KIAA0586: variants seen among roughly 807,000 people sequenced by gnomAD.
The protein encoded by KIAA0586 is protein TALPID3.
In KIAA0586, 144 loss-of-function variants were observed where a neutral mutation model predicts 169.8. That is an observed-to-expected ratio of 0.85 (90% CI 0.74 to 0.97). The LOEUF (loss-of-function observed/expected upper bound fraction) is 0.97, where lower values mean the gene tolerates loss of function less well. Ranked by LOEUF, KIAA0586 falls within the 50% of genes least tolerant of loss-of-function variation. The pLI is 0.00. For synonymous variants in KIAA0586, 625 were observed against 612.4 expected (o/e 1.02, Z -0.30); for missense variants, 1,854 against 1,823.0 (o/e 1.02, Z -0.31).
chr14:58,461,192 A>C, intron 14 of KIAA0586, 32 bp downstream of exon 14: 5 of 1,419,112 alleles, frequency 3.5e-6, no homozygotes, highest in Middle Eastern at 1.8e-4. Flanking sequence ...GTTTAATCTC[A>C]TTTCTTAATA....
At chr14:58,440,303 TC>T in intron 4 of KIAA0586, 3 of 365,598 alleles carry the variant, frequency 8.2e-6, no homozygotes, top group Non-Finnish European at 1.6e-5. Context: ...TCTCTCTCTC[TC>T]TTCCTCCCTC....
intron 29 of KIAA0586, among the ~76,000 whole-genome samples, chr14:58,535,355 C>T (rs888017544): frequency 4.0e-5 from 6 of 149,316 alleles, no homozygotes; most frequent in African/African-American, 1.5e-4. Context: ...ATTCTTGCCC[C>T]TAAAAGGCAG....
Position 58,487,936 on chromosome 14 carries a change from TA to T in KIAA0586, c.3355del (p.Thr1119LeufsTer23). On this transcript the variant is annotated frameshift_variant, in exon 23 of 31. Transcript: ENST00000652326. LOFTEE classifies it high-confidence loss of function. ...TTGTTAATACTCCAACAGTTACCCC[TA>T]CTACTACACCTCCTCCAGCGGCGGC... Reference protein sequence around the residue: ...MLVNTPTVTPTTTPPPAAAVF... With the variant: ...MLVNTPTVTPXTTPPPAAAVF... 1 of 1,613,648 alleles carries T rather than the reference TA, an allele frequency of 6.2e-7. No homozygotes were observed. The highest frequency in any genetic ancestry group is 1.1e-5 in the South Asian group (1 of 91,046).
At chr14:58,529,288 T>C (rs965455272) in intron 29 of KIAA0586, among the ~76,000 whole-genome samples, 1 of 152,134 alleles carries the variant, frequency 6.6e-6, no homozygotes, top group African/African-American at 2.4e-5. Flanking sequence ...AAAGAGGAGC[T>C]GCTGCTATTC....
At chr14:58,527,939 G>A (rs148057629) in intron 29 of KIAA0586, among the ~76,000 whole-genome samples, 5 of 152,216 alleles carry the variant, frequency 3.3e-5, no homozygotes, top group South Asian at 2.1e-4. Context: ...AAGACCCATC[G>A]GTGTGCTGTA....
chr14:58,506,223 A>G (rs2043929956), intron 27 of KIAA0586, among the ~76,000 whole-genome samples: 1 of 151,744 alleles, frequency 6.6e-6, no homozygotes, highest in African/African-American at 2.4e-5. Context: ...AAGGCGTATC[A>G]GAATATAAAG....
At position 58,528,407 on chromosome 14, in the gene KIAA0586, C is replaced by T. The variant is rs527891702; in HGVS notation, c.4430-11664C>T. Among the ~76,000 whole-genome samples, 6 of 152,262 alleles carry T rather than the reference C, an allele frequency of 3.9e-5. No homozygotes were observed. In the South Asian group the frequency reaches 6.2e-4, roughly 16 times the overall value. ...CCAAATCAACAGAGTATACATTCTT[C>T]TTAGCACCACATCACACTTATTCTA... On this transcript the variant is annotated intron_variant, in intron 29 of 30. Coordinates refer to ENST00000652326, the MANE Select transcript of KIAA0586 (RefSeq NM_001329943.3).
At chr14:58,440,662 A>C (rs2038255949) in intron 4 of KIAA0586, among the ~76,000 whole-genome samples, 1 of 152,178 alleles carries the variant, frequency 6.6e-6, no homozygotes, top group African/African-American at 2.4e-5. Context: ...AGTAAATCTA[A>C]ATGACCTAGA....
intron 27 of KIAA0586, among the ~76,000 whole-genome samples, chr14:58,507,640 T>C (rs569456734): frequency 7.9e-5 from 12 of 152,112 alleles, no homozygotes; most frequent in African/African-American, 2.9e-4. Flanking sequence ...ATTGTAAAGT[T>C]CAAATGTAAT....
intron 20 of KIAA0586, among the ~76,000 whole-genome samples, chr14:58,478,205 G>A (rs2041789984): frequency 6.6e-6 from 1 of 152,144 alleles, no homozygotes; most frequent in Non-Finnish European, 1.5e-5. Flanking sequence ...TTGGGTCCAG[G>A]CACACAGTGG....
chr14:58,430,909 C>G lies in KIAA0586; in HGVS notation c.340+192C>G, dbSNP rs547361654. Among the ~76,000 whole-genome samples the G allele has an allele frequency of 4.1e-4, 62 of 152,266 alleles. 1 individual carries two copies. Among genetic ancestry groups the G allele is most frequent in the Admixed American group, 2.2e-3 (33 of 15,292 alleles). On this transcript the variant is annotated intron_variant, in intron 3 of 30. Transcript: ENST00000652326. ...TAAACACTAACTGCTCATTTTTCATCCCCTCAGCCCTGGGCATCCTACTTT... is the reference window on the plus strand; with the variant it reads ...TAAACACTAACTGCTCATTTTTCATGCCCTCAGCCCTGGGCATCCTACTTT...
intron 29 of KIAA0586, among the ~76,000 whole-genome samples, chr14:58,536,852 ATTATAT>A (rs1485542822): frequency 1.3e-5 from 2 of 152,150 alleles, no homozygotes; most frequent in East Asian, 3.8e-4. Flanking sequence ...AAAAATATAA[ATTATAT>A]TTATAGTTAA....
rs1438951147 is a variant in KIAA0586, at chr14:58,492,287, C to T, written c.3990+12C>T. Reference sequence around the variant, plus strand: ...TCTATCATTCAGAGGTACTTTTTAACTTTAATGACTTTTTTTTGGTTAGAT... The same window carrying T: ...TCTATCATTCAGAGGTACTTTTTAATTTTAATGACTTTTTTTTGGTTAGAT... On this transcript the variant is annotated intron_variant, in intron 26 of 30. Transcript: ENST00000652326. 1.8e-5 allele frequency: 28 copies of T among 1,532,966 alleles called. No individual in the cohort carries two copies. The highest frequency in any genetic ancestry group is 3.8e-5 in the South Asian group (3 of 79,788). The allele number at this position is 1,532,966 out of a possible 1,614,324, so 95.0% of individuals were successfully genotyped here. A position where few individuals can be genotyped will look rare whatever the true frequency, so the allele number is the denominator to read the frequency against.
chr14:58,495,157 TG>T (rs1347694162), intron 26 of KIAA0586, among the ~76,000 whole-genome samples: 1 of 152,222 alleles, frequency 6.6e-6, no homozygotes, highest in African/African-American at 2.4e-5. Flanking sequence ...TTTGTTACTG[TG>T]CTGTCCTGGC....
chr14:58,545,017 A>G (rs1487528835), intron 30 of KIAA0586, among the ~76,000 whole-genome samples: 1 of 152,178 alleles, frequency 6.6e-6, no homozygotes, highest in Non-Finnish European at 1.5e-5. Context: ...ATACATGTTT[A>G]TCTCCTCTAC....
At chr14:58,464,903 C>T (rs1367119164) in intron 14 of KIAA0586, among the ~76,000 whole-genome samples, 4 of 152,012 alleles carry the variant, frequency 2.6e-5, no homozygotes, top group East Asian at 1.9e-4. Context: ...CTCAGAACAG[C>T]GTACATTGTA....
At position 58,512,528 on chromosome 14, in the gene KIAA0586, C is replaced by G. The variant is rs745416895; in HGVS notation, c.4330C>G (p.Leu1444Val). 1.3e-6 allele frequency: 2 copies of G among 1,513,302 alleles called. No homozygotes were observed. The highest frequency in any genetic ancestry group is 1.8e-6 in the Non-Finnish European group (2 of 1,134,386). The allele number at this position is 1,513,302 out of a possible 1,614,324, so 93.7% of individuals were successfully genotyped here. ...CATATCTTAAATTATTTAGTACCAA[C>G]TAAAGCAAAATCAGGATGTTAAGCA... is the stretch of plus-strand genomic sequence containing the variant. ...VAAEDFSQYQLKQNQDVKQVE... is the reference protein window; with the variant it reads ...VAAEDFSQYQVKQNQDVKQVE... Residue 1444 changes from leucine to valine, a missense_variant, in exon 29 of 31, where the codon CTA becomes GTA. Coordinates refer to ENST00000652326, the MANE Select transcript of KIAA0586 (RefSeq NM_001329943.3).
chr14:58,539,130 C>G (rs1346806086), intron 29 of KIAA0586, among the ~76,000 whole-genome samples: 1 of 152,082 alleles, frequency 6.6e-6, no homozygotes, highest in East Asian at 1.9e-4. Flanking sequence ...CAAAGTTTGT[C>G]TTTCTGTGTC....
the KIAA0586 span, among the ~76,000 whole-genome samples, chr14:58,560,046 G>A: frequency 2.0e-5 from 3 of 151,942 alleles, no homozygotes; most frequent in Non-Finnish European, 2.9e-5. Context: ...AGCTACTCGG[G>A]AGGCTGAGGC....
Sources: gnomAD v4.1 joint callset for allele counts (sites outside exome capture counted in the v4.1 genomes callset) on GRCh38, gnomAD v4.1.1 for gene constraint, MANE v1.5 for transcripts, NCBI Gene and HGNC (gene_info 2026-07-23, HGNC 2026-07-21) for gene names.